The following ARHGEF7 variants were observed in gnomAD, a reference collection of about 807,000 sequenced individuals.
The protein encoded by ARHGEF7 is PAK-interacting exchange factor beta.
In ARHGEF7, 33 loss-of-function variants were observed where a neutral mutation model predicts 109.8. The observed-to-expected ratio is 0.30, with a 90% CI of 0.23 to 0.40. ARHGEF7 has a LOEUF of 0.40. Ranked by LOEUF, ARHGEF7 falls within the 10% of genes least tolerant of loss-of-function variation. The pLI is 1.00. For missense variants in ARHGEF7, 938 were observed against 1,098.5 expected (o/e 0.85, Z 2.07); for synonymous variants, 458 against 424.6 (o/e 1.08, Z -0.97).
chr13:111,221,323 A>C (rs1253585145), intron 5 of ARHGEF7, among the ~76,000 whole-genome samples: 2 of 18,062 alleles, frequency 1.1e-4, no homozygotes, highest in African/African-American at 3.6e-4. Flanking sequence ...ATATATAGAT[A>C]TATATGTCTA....
At chr13:111,269,355 A>G (rs911862920) in intron 9 of ARHGEF7, among the ~76,000 whole-genome samples, 5 of 152,198 alleles carry the variant, frequency 3.3e-5, no homozygotes, top group African/African-American at 1.2e-4. Flanking sequence ...CTTTCTGAGG[A>G]CCTGTCCTAA....
At chr13:111,241,128 A>AC in intron 6 of ARHGEF7, 1 of 1,521,916 alleles carries the variant, frequency 6.6e-7, no homozygotes, top group East Asian at 2.4e-5. Context: ...ATGCCTCGTG[A>AC]CCCCCGGGAA....
Position 111,274,741 on chromosome 13 carries a change from C to G in ARHGEF7, c.1223C>G (p.Thr408Arg), listed in dbSNP as rs767380340. ...ELERHMEDYH[T>R]DRQDIQKSMA... ...TTCTTTTACTCAAAGGATTATCATA[C>G]AGATAGACAAGATATTCAAAAATCC... Residue 408 changes from threonine to arginine, a missense_variant, in exon 11 of 22, where the codon ACA (threonine) becomes AGA (arginine). Physicochemically the swap from Thr to Arg is moderately conservative, Grantham distance 71 (BLOSUM62 -1). Around this residue, in one of 4 missense-constraint regions of ARHGEF7, gnomAD observed 585 missense variants for 723.6 expected, o/e 0.81. Coordinates refer to ENST00000646102, the MANE Select transcript of ARHGEF7 (RefSeq NM_001354046.2). 2.7e-6 allele frequency: 4 copies of G among 1,490,540 alleles called. No homozygotes were observed. The highest frequency in any genetic ancestry group is 1.4e-5 in the South Asian group (1 of 71,642). 92.3% of individuals were successfully genotyped at this position (1,490,540 alleles called of 1,614,324 possible).
At chr13:111,270,096 A>C (rs183572090) in intron 9 of ARHGEF7, among the ~76,000 whole-genome samples, 10 of 152,218 alleles carry the variant, frequency 6.6e-5, no homozygotes, top group African/African-American at 2.2e-4. Context: ...CAGAATGCCA[A>C]CTCTGACCGT....
At chr13:111,281,232 C>T (rs1334757520) in intron 15 of ARHGEF7, 4 of 112,144 alleles carry the variant, frequency 3.6e-5, no homozygotes, top group Non-Finnish European at 6.8e-5. Flanking sequence ...AATAGATGAA[C>T]ACTGAAGCTT....
intron 2 of ARHGEF7, among the ~76,000 whole-genome samples, chr13:111,186,248 C>T (rs568976395): frequency 4.7e-4 from 71 of 152,192 alleles, no homozygotes; most frequent in Non-Finnish European, 7.9e-4. Flanking sequence ...CTGCTCTGCT[C>T]CTCTCACCCC....
chr13:111,264,637 C>T (rs1411083403), intron 8 of ARHGEF7, among the ~76,000 whole-genome samples: 1 of 152,116 alleles, frequency 6.6e-6, no homozygotes, highest in African/African-American at 2.4e-5. Flanking sequence ...ACATGTCTTG[C>T]TCAGACAGAG....
chr13:111,177,704 C>T (rs1264486043), intron 2 of ARHGEF7, among the ~76,000 whole-genome samples: 1 of 152,138 alleles, frequency 6.6e-6, no homozygotes, highest in Non-Finnish European at 1.5e-5. Flanking sequence ...GACAGAGTGG[C>T]CCAGACTGGG....
chr13:111,246,199 A>T (rs573443309), intron 8 of ARHGEF7, among the ~76,000 whole-genome samples: 4 of 152,254 alleles, frequency 2.6e-5, no homozygotes, highest in Non-Finnish European at 5.9e-5. Flanking sequence ...TCAGTAGTCT[A>T]TCAGGTGAGG....
chr13:111,259,500 G>A (rs762003817), intron 8 of ARHGEF7, among the ~76,000 whole-genome samples: 28 of 152,312 alleles, frequency 1.8e-4, no homozygotes, highest in Non-Finnish European at 3.7e-4. Context: ...CAAGAACACC[G>A]TGGTGGTTCC....
intron 16 of ARHGEF7, 83 bp downstream of exon 16, chr13:111,283,446 G>A (rs532286805): frequency 1.1e-5 from 17 of 1,488,186 alleles, no homozygotes; most frequent in Non-Finnish European, 1.4e-5. Context: ...TGGGCCTTCT[G>A]TGTACAGCAA....
At position 111,268,645 on chromosome 13, in the gene ARHGEF7, G is replaced by A. The variant is rs149710671; in HGVS notation, c.1073+975G>A. ...TAGGACAGCTCAGACATGGCAGCAG[G>A]GTGGACTCGGCTCTGGCTGTGGCTG... On this transcript the variant is annotated intron_variant, in intron 9 of 21. Coordinates refer to ENST00000646102, the MANE Select transcript of ARHGEF7 (RefSeq NM_001354046.2). 7.4e-3 allele frequency among the ~76,000 whole-genome samples: 1,121 copies of A among 152,248 alleles called. 4 individuals are homozygous for A. The highest frequency in any genetic ancestry group is 0.012 in the Non-Finnish European group (844 of 67,992).
chr13:111,261,049 A>T (rs1442354055), intron 8 of ARHGEF7, among the ~76,000 whole-genome samples: 1 of 152,330 alleles, frequency 6.6e-6, no homozygotes. Flanking sequence ...CACCTTTACT[A>T]AAAGGAAGAC....
intron 2 of ARHGEF7, among the ~76,000 whole-genome samples, chr13:111,156,042 C>T (rs1217687262): frequency 7.0e-6 from 1 of 143,198 alleles, no homozygotes; most frequent in Non-Finnish European, 1.5e-5. Flanking sequence ...CTGAGATTGC[C>T]ACTGCACTCC....
intron 10 of ARHGEF7, among the ~76,000 whole-genome samples, chr13:111,274,206 C>T (rs1343312135): frequency 6.6e-6 from 1 of 152,176 alleles, no homozygotes; most frequent in African/African-American, 2.4e-5. Context: ...AACTGATTTT[C>T]AGATAGTGTT....
chr13:111,199,455 A>G (rs148456554), intron 2 of ARHGEF7, among the ~76,000 whole-genome samples: 146 of 152,276 alleles, frequency 9.6e-4, no homozygotes, highest in African/African-American at 3.4e-3. Context: ...AGGTTTTCAT[A>G]TTTGGGAGCA....
At chr13:111,147,314 T>C (rs897438482) in intron 1 of ARHGEF7, among the ~76,000 whole-genome samples, 2 of 152,238 alleles carry the variant, frequency 1.3e-5, no homozygotes, top group African/African-American at 4.8e-5. Context: ...TAGTCGTGTC[T>C]GGGAATTCCA....
intron 2 of ARHGEF7, among the ~76,000 whole-genome samples, chr13:111,187,389 A>G (rs556345768): frequency 6.6e-6 from 1 of 152,240 alleles, no homozygotes; most frequent in South Asian, 2.1e-4. Context: ...CCGTTCCTGA[A>G]ACTGTGGCGC....
chr13:111,274,791 G>A lies in ARHGEF7; in HGVS notation c.1272+1G>A. 1 of 1,473,124 alleles carries A rather than the reference G, an allele frequency of 6.8e-7. No individual in the cohort carries two copies. The highest frequency in any genetic ancestry group is 2.4e-5 in the Admixed American group (1 of 41,842). The allele number at this position is 1,473,124 out of a possible 1,614,324, so 91.3% of individuals were successfully genotyped here. A position where few individuals can be genotyped will look rare whatever the true frequency, so the allele number is the denominator to read the frequency against. ...CATGGCTGCCTTCAAAAACCTTTCA[G>A]TAAGTGATTAAGCATATTGTTTTCC... On this transcript the variant is annotated splice_donor_variant, in intron 11 of 21. Coordinates refer to ENST00000646102, the MANE Select transcript of ARHGEF7 (RefSeq NM_001354046.2). LOFTEE classifies it high-confidence loss of function.
Sources: gnomAD v4.1 joint callset for allele counts (sites outside exome capture counted in the v4.1 genomes callset) on GRCh38, gnomAD v4.1.1 for gene constraint, gnomAD v4.1.1 regional missense constraint, MANE v1.5 for transcripts, NCBI Gene and HGNC (gene_info 2026-07-23, HGNC 2026-07-21) for gene names.